The following MLLT10 variants were observed in gnomAD, a reference collection of about 807,000 sequenced individuals.
MLLT10 encodes protein AF-10.
MLLT10 carries 30 observed loss-of-function variants against 129.1 expected under a neutral mutation model. The ratio of observed to expected loss-of-function variants is 0.23; its 90% CI spans 0.17 to 0.32. The LOEUF is 0.32. MLLT10 is among the 10% of genes least tolerant of loss of function. The pLI is 1.00. For missense variants in MLLT10, 1,119 were observed against 1,268.3 expected (o/e 0.88, Z 1.79); for synonymous variants, 490 against 446.4 (o/e 1.10, Z -1.23).
chr10:21,552,127 A>C (rs368904212), intron 3 of MLLT10, among the ~76,000 whole-genome samples: 1 of 151,786 alleles, frequency 6.6e-6, no homozygotes, highest in East Asian at 1.9e-4. Flanking sequence ...GGGTCTCACT[A>C]TGTTGCTAGG....
intron 5 of MLLT10, among the ~76,000 whole-genome samples, chr10:21,608,432 CT>C (rs2044277884): frequency 6.6e-6 from 1 of 152,016 alleles, no homozygotes; most frequent in Admixed American, 6.6e-5. Flanking sequence ...CTGCTTCAGC[CT>C]CTCAAAGTGT....
chr10:21,635,345 G>A (rs938016263), intron 8 of MLLT10, among the ~76,000 whole-genome samples: 11 of 152,012 alleles, frequency 7.2e-5, no homozygotes, highest in African/African-American at 2.4e-4. Flanking sequence ...TATTCCATGA[G>A]TTTTTAGTTT....
At chr10:21,542,087 T>G (rs1395411885) in intron 3 of MLLT10, among the ~76,000 whole-genome samples, 1 of 152,090 alleles carries the variant, frequency 6.6e-6, no homozygotes, top group African/African-American at 2.4e-5. Context: ...CCTGGGGGTG[T>G]CACAGTAGAT....
chr10:21,690,788 G>C (rs938412890), intron 13 of MLLT10, among the ~76,000 whole-genome samples: 1 of 152,004 alleles, frequency 6.6e-6, no homozygotes, highest in Admixed American at 6.6e-5. Context: ...AGGCTTTCTA[G>C]ACATGACTTT....
chr10:21,613,212 AAAAAAAG>A (rs2044843343), intron 6 of MLLT10, among the ~76,000 whole-genome samples: 1 of 151,546 alleles, frequency 6.6e-6, no homozygotes, highest in Admixed American at 6.6e-5. Flanking sequence ...AAAAAAAAAA[AAAAAAAG>A]ATATTCTTTC....
At chr10:21,535,445 G>A (rs1227829001) in intron 2 of MLLT10, among the ~76,000 whole-genome samples, 1 of 152,102 alleles carries the variant, frequency 6.6e-6, no homozygotes, top group East Asian at 1.9e-4. Context: ...CCATGCGGGA[G>A]TGGCGGGGCT....
Position 21,727,926 on chromosome 10 carries a change from A to ACG in MLLT10, c.2062_2063dup (p.Ser689AspfsTer4). 6.2e-7 allele frequency: 1 copy of ACG among 1,613,922 alleles called. No homozygotes were observed. The highest frequency in any genetic ancestry group is 8.5e-7 in the Non-Finnish European group (1 of 1,179,864). The stretch of plus-strand genomic sequence containing the variant: ...GCTCACCCCGAGGAAGTCTCTCGCC[A>ACG]CGGTAAGCGCTATTTACACTGCAAA... On this transcript the variant is annotated frameshift_variant and splice_region_variant, in exon 16 of 23. Transcript: ENST00000307729. LOFTEE classifies it high-confidence loss of function.
At chr10:21,705,711 G>A (rs932523708) in intron 13 of MLLT10, among the ~76,000 whole-genome samples, 1 of 152,146 alleles carries the variant, frequency 6.6e-6, no homozygotes, top group African/African-American at 2.4e-5. Flanking sequence ...GTATCTCTTG[G>A]CCTTAGTCCT....
chr10:21,646,543 G>C (rs1415664381), intron 8 of MLLT10, among the ~76,000 whole-genome samples: 1 of 150,458 alleles, frequency 6.6e-6, no homozygotes, highest in Admixed American at 6.6e-5. Context: ...CCTTGTGCTT[G>C]TTTAAGCCAT....
chr10:21,634,197 A>G (rs1420619632), intron 8 of MLLT10, among the ~76,000 whole-genome samples: 2 of 152,010 alleles, frequency 1.3e-5, no homozygotes, highest in Admixed American at 6.6e-5. Flanking sequence ...CCGAGATCAC[A>G]CCCAGCCTGG....
chr10:21,729,874 T>A (rs1792096273), intron 16 of MLLT10, among the ~76,000 whole-genome samples: 1 of 152,186 alleles, frequency 6.6e-6, no homozygotes, highest in Non-Finnish European at 1.5e-5. Flanking sequence ...GAACATTACA[T>A]GTTCATCTTA....
intron 3 of MLLT10, among the ~76,000 whole-genome samples, chr10:21,576,158 C>G (rs1368577428): frequency 6.6e-6 from 1 of 151,650 alleles, no homozygotes; most frequent in Admixed American, 6.6e-5. Context: ...AACCCCTGGC[C>G]TCAAGTGATC....
At chr10:21,727,793 A>C in intron 15 of MLLT10, 63 bp from the exon 16 acceptor site, 3 of 1,307,352 alleles carry the variant, frequency 2.3e-6, no homozygotes, top group Admixed American at 1.8e-5. Flanking sequence ...AATCAGGGCA[A>C]GAGTTTAAAA....
chr10:21,727,515 C>T (rs1054072250), intron 15 of MLLT10, among the ~76,000 whole-genome samples: 2 of 151,998 alleles, frequency 1.3e-5, no homozygotes, highest in Non-Finnish European at 2.9e-5. Flanking sequence ...GATTAGCTGT[C>T]CACAGCTGTG....
At chr10:21,617,613 C>T (rs2045391901) in intron 8 of MLLT10, among the ~76,000 whole-genome samples, 1 of 151,788 alleles carries the variant, frequency 6.6e-6, no homozygotes, top group African/African-American at 2.4e-5. Flanking sequence ...GCTATTTTTT[C>T]TTTTTCAGTG....
rs573638682 is a variant in MLLT10 at position 21,729,488 on chromosome 10, A to C, written c.2064-1412A>C. On this transcript the variant is annotated intron_variant, in intron 16 of 22. Transcript: ENST00000307729. ...TGTACTATTTGCAGAGGGATGGCCAACTGTATGTGGCCCATAATGTTTACA... is the reference window on the plus strand; with the variant it reads ...TGTACTATTTGCAGAGGGATGGCCACCTGTATGTGGCCCATAATGTTTACA... Among the ~76,000 whole-genome samples the C allele has an allele frequency of 3.9e-5, 6 of 152,360 alleles. No individual in the cohort carries two copies. In the South Asian group the frequency reaches 1.2e-3, roughly 32 times the overall value.
intron 2 of MLLT10, among the ~76,000 whole-genome samples, chr10:21,535,895 T>C (rs1236255390): frequency 6.6e-6 from 1 of 152,224 alleles, no homozygotes; most frequent in Non-Finnish European, 1.5e-5. Context: ...TCTGAGGTAG[T>C]GTACTTACTC....
At chr10:21,582,648 A>G (rs984025703) in intron 3 of MLLT10, among the ~76,000 whole-genome samples, 1 of 152,110 alleles carries the variant, frequency 6.6e-6, no homozygotes, top group Non-Finnish European at 1.5e-5. Context: ...TGCTTTAAGT[A>G]GGGTAATAGT....
chr10:21,665,595 G>T (rs556901059), intron 9 of MLLT10, among the ~76,000 whole-genome samples: 1 of 151,910 alleles, frequency 6.6e-6, no homozygotes, highest in East Asian at 1.9e-4. Context: ...GCCAAAATAG[G>T]TTTTTTTAAG....
Sources: allele counts gnomAD v4.1 joint callset (sites outside exome capture counted in the v4.1 genomes callset), GRCh38; gene constraint gnomAD v4.1.1; transcripts MANE v1.5; gene names NCBI Gene and HGNC (gene_info 2026-07-23, HGNC 2026-07-21).